The following ASTN2 variants were observed in gnomAD, a reference collection of about 807,000 sequenced individuals.
ASTN2 encodes the protein astrotactin-2.
A neutral mutation model predicts 139.8 loss-of-function variants in ASTN2; 54 were observed. That is an observed-to-expected ratio of 0.39 (90% CI 0.31 to 0.48). ASTN2 has a LOEUF of 0.48. ASTN2 is among the 20% of genes least tolerant of loss of function. The probability of loss-of-function intolerance (pLI) is 0.95; values close to 1 mark genes in which losing one functional copy is unlikely to be tolerated. For synonymous variants in ASTN2, 756 were observed against 719.5 expected, an observed-to-expected ratio of 1.05 and a Z score of -0.81; for missense variants, 1,565 against 1,725.1, an observed-to-expected ratio of 0.91 and a Z score of 1.64.
intron 2 of ASTN2, among the ~76,000 whole-genome samples, chr9:117,257,355 G>C (rs895404694): frequency 6.6e-6 from 1 of 152,230 alleles, no homozygotes; most frequent in Non-Finnish European, 1.5e-5. Context: ...TCCAGCGCTA[G>C]AGATGACACA....
Position 116,820,645 on chromosome 9 carries a change from T to C in ASTN2, c.2179A>G (p.Thr727Ala). ...QQTLPLPYDA[T>A]SSTIFMFCGC... ...CAGAACATGAAGATGGTGCTCGAAG[T>C]GGCATCGTAGGGCAGGGGCAGCGTC... The change falls in exon 12 of 23, where the codon ACT (threonine) becomes GCT (alanine). Residue 727 changes from threonine to alanine, a missense_variant. Thr to Ala is a moderately conservative substitution (Grantham distance 58). This residue lies in a region of ASTN2 where 503 missense variants were observed against 591.7 expected (regional missense o/e 0.85). Transcript: ENST00000313400. The C allele has an allele frequency of 6.2e-7, 1 of 1,614,112 alleles. No homozygotes were observed.
chr9:117,207,215 C>T (rs1469394229), intron 3 of ASTN2, among the ~76,000 whole-genome samples: 1 of 152,050 alleles, frequency 6.6e-6, no homozygotes, highest in East Asian at 1.9e-4. Context: ...GGCAGATATG[C>T]CCACAGGTTG....
chr9:117,085,539 G>A (rs904658257), intron 5 of ASTN2, among the ~76,000 whole-genome samples: 3 of 152,172 alleles, frequency 2.0e-5, no homozygotes, highest in Non-Finnish European at 4.4e-5. Context: ...CTTGTCATAC[G>A]TTTTCCTACC....
intron 22 of ASTN2, among the ~76,000 whole-genome samples, chr9:116,429,113 C>T (rs1473413558): frequency 1.3e-5 from 2 of 151,994 alleles, no homozygotes; most frequent in Admixed American, 6.6e-5. Flanking sequence ...CTGAGATGGG[C>T]GGATCACCTG....
At chr9:116,565,350 T>C (rs1444277718) in intron 19 of ASTN2, among the ~76,000 whole-genome samples, 1 of 61,358 alleles carries the variant, frequency 1.6e-5, no homozygotes, top group Non-Finnish European at 3.0e-5. Flanking sequence ...TAAGACACTG[T>C]TTCTCTCTCT....
intron 19 of ASTN2, among the ~76,000 whole-genome samples, chr9:116,578,015 C>A (rs374946796): frequency 1.3e-5 from 2 of 152,092 alleles, no homozygotes; most frequent in South Asian, 2.1e-4. Context: ...CACTAAGAAA[C>A]GGGAACCTTA....
chr9:116,723,183 T>C (rs1328694478), intron 16 of ASTN2, among the ~76,000 whole-genome samples: 2 of 151,528 alleles, frequency 1.3e-5, no homozygotes, highest in Non-Finnish European at 2.9e-5. Context: ...AAAATGAGGG[T>C]TGACCTCACA....
intron 1 of ASTN2, among the ~76,000 whole-genome samples, chr9:117,407,546 C>A (rs1292907063): frequency 6.6e-6 from 1 of 152,198 alleles, no homozygotes; most frequent in Non-Finnish European, 1.5e-5. Flanking sequence ...TTTCAACTCA[C>A]AGACTTGGAT....
chr9:116,846,216 G>C (rs2132313988), intron 11 of ASTN2, among the ~76,000 whole-genome samples: 1 of 152,244 alleles, frequency 6.6e-6, no homozygotes, highest in African/African-American at 2.4e-5. Context: ...GGAGAATGAG[G>C]AATTATTTAA....
intron 16 of ASTN2, among the ~76,000 whole-genome samples, chr9:116,661,479 G>T (rs952814518): frequency 5.9e-5 from 9 of 152,148 alleles, no homozygotes; most frequent in Non-Finnish European, 1.3e-4. Context: ...CACAAGGGGG[G>T]AAAATATGAA....
intron 17 of ASTN2, among the ~76,000 whole-genome samples, chr9:116,648,809 A>G (rs1857743097): frequency 6.6e-6 from 1 of 151,974 alleles, no homozygotes; most frequent in Non-Finnish European, 1.5e-5. Context: ...TGAGGCGAGC[A>G]GATTGCTTCA....
intron 3 of ASTN2, among the ~76,000 whole-genome samples, chr9:117,196,223 T>C (rs973865310): frequency 6.6e-6 from 1 of 152,140 alleles, no homozygotes; most frequent in South Asian, 2.1e-4. Context: ...ACAGTAGGGA[T>C]AACATTAGTA....
chr9:116,487,603 G>T, intron 19 of ASTN2, 103 bp from the exon 20 acceptor site: 2 of 1,123,810 alleles, frequency 1.8e-6, no homozygotes, highest in Non-Finnish European at 2.4e-6. Context: ...CCATTATCAA[G>T]AAAAATAATG....
At chr9:116,513,713 T>A (rs942311277) in intron 19 of ASTN2, among the ~76,000 whole-genome samples, 3 of 149,180 alleles carry the variant, frequency 2.0e-5, no homozygotes, top group African/African-American at 7.5e-5. Flanking sequence ...TTATTCTTTT[T>A]TCTCTAAACT....
chr9:117,349,095 G>T (rs1053225828), intron 1 of ASTN2, among the ~76,000 whole-genome samples: 1 of 152,150 alleles, frequency 6.6e-6, no homozygotes, highest in Admixed American at 6.5e-5. Context: ...TGATCATCAC[G>T]GACCTGGGTC....
chr9:116,992,636 C>T (rs1484719734), intron 7 of ASTN2, among the ~76,000 whole-genome samples: 1 of 152,102 alleles, frequency 6.6e-6, no homozygotes, highest in Non-Finnish European at 1.5e-5. Context: ...TTTCTCTTCT[C>T]CTTTCACCCT....
At chr9:116,609,322 C>A (rs373316735) in intron 19 of ASTN2, among the ~76,000 whole-genome samples, 3,821 of 105,222 alleles carry the variant, frequency 0.036, 73 homozygotes, top group African/African-American at 0.058. Context: ...CTCTCTCTCT[C>A]TCTCTCTATA....
chr9:116,998,067 G>A (rs1316418606), intron 7 of ASTN2, among the ~76,000 whole-genome samples: 2 of 152,122 alleles, frequency 1.3e-5, no homozygotes, highest in Non-Finnish European at 2.9e-5. Flanking sequence ...AATTACTTTT[G>A]TTGGAAAATA....
intron 4 of ASTN2, among the ~76,000 whole-genome samples, chr9:117,100,961 T>G (rs1477853649): frequency 6.6e-6 from 1 of 152,224 alleles, no homozygotes; most frequent in East Asian, 1.9e-4. Flanking sequence ...CATATGGCCT[T>G]GGACAGGGCA....
Sources: gnomAD v4.1 joint callset for allele counts (sites outside exome capture counted in the v4.1 genomes callset) on GRCh38, gnomAD v4.1.1 for gene constraint, gnomAD v4.1.1 regional missense constraint, MANE v1.5 for transcripts, NCBI Gene and HGNC (gene_info 2026-07-23, HGNC 2026-07-21) for gene names.